The following ELAVL2 variants were observed in gnomAD, a reference collection of about 807,000 sequenced individuals.
ELAVL2 encodes the protein ELAV-like protein 2.
Under a neutral mutation model 34.6 loss-of-function variants are expected in ELAVL2, and 4 were observed. That is an observed-to-expected ratio of 0.12 (90% CI 0.06 to 0.26). The LOEUF (loss-of-function observed/expected upper bound fraction) is 0.26. Among genes scored for constraint, ELAVL2 ranks in the 10% least tolerant of loss-of-function variants. The probability of loss-of-function intolerance (pLI) is 1.00; values close to 1 mark genes in which losing one functional copy is unlikely to be tolerated. For missense variants in ELAVL2, 432 were observed against 442.8 expected (o/e 0.98, Z 0.22); for synonymous variants, 193 against 154.8 (o/e 1.25, Z -1.83).
At chr9:23,732,964 A>T (rs1044998425) in intron 2 of ELAVL2, among the ~76,000 whole-genome samples, 1 of 152,178 alleles carries the variant, frequency 6.6e-6, no homozygotes, top group African/African-American at 2.4e-5. Flanking sequence ...AAAGTTAAAT[A>T]AAAAAGATGC....
intron 3 of ELAVL2, among the ~76,000 whole-genome samples, chr9:23,713,823 T>C (rs1034325859): frequency 1.3e-5 from 2 of 152,136 alleles, no homozygotes; most frequent in Admixed American, 1.3e-4. Flanking sequence ...GAGGTTAGGA[T>C]GGAATGTTTG....
At chr9:23,698,946 G>A (rs2133016881) in intron 5 of ELAVL2, among the ~76,000 whole-genome samples, 1 of 152,262 alleles carries the variant, frequency 6.6e-6, no homozygotes. Flanking sequence ...AATGAGAAAT[G>A]GGGTGAATGG....
intron 5 of ELAVL2, 35 bp from the exon 6 acceptor site, chr9:23,693,521 A>C (rs1370129498): frequency 6.2e-7 from 1 of 1,613,768 alleles, no homozygotes; most frequent in Non-Finnish European, 8.5e-7. Flanking sequence ...TTCAGTTTTT[A>C]ATTTTTCCCC....
intron 3 of ELAVL2, among the ~76,000 whole-genome samples, chr9:23,725,150 T>A (rs1348943273): frequency 1.3e-5 from 2 of 152,074 alleles, no homozygotes; most frequent in African/African-American, 4.8e-5. Flanking sequence ...CAAACCTTCC[T>A]CTCCGAATAA....
chr9:23,745,909 G>C (rs1406199633), intron 2 of ELAVL2, among the ~76,000 whole-genome samples: 5 of 152,188 alleles, frequency 3.3e-5, no homozygotes, highest in African/African-American at 9.7e-5. Flanking sequence ...CCTGCTGTGT[G>C]AATGCTACTG....
At chr9:23,794,301 T>C (rs1315429079) in intron 1 of ELAVL2, among the ~76,000 whole-genome samples, 1 of 152,140 alleles carries the variant, frequency 6.6e-6, no homozygotes, top group African/African-American at 2.4e-5. Flanking sequence ...AGTGACACTT[T>C]CCTAGAACAC....
chr9:23,790,889 A>G (rs1223934917), intron 1 of ELAVL2, among the ~76,000 whole-genome samples: 2 of 152,188 alleles, frequency 1.3e-5, no homozygotes, highest in African/African-American at 2.4e-5. Flanking sequence ...CTCCTGATGA[A>G]CACTTAACCT....
intron 2 of ELAVL2, among the ~76,000 whole-genome samples, chr9:23,756,581 C>T (rs762395748): frequency 2.0e-5 from 3 of 152,080 alleles, no homozygotes; most frequent in Non-Finnish European, 2.9e-5. Context: ...CACACATGCT[C>T]GCACACGTGC....
intron 1 of ELAVL2, among the ~76,000 whole-genome samples, chr9:23,813,835 G>A (rs1425840062): frequency 6.6e-6 from 1 of 152,124 alleles, no homozygotes; most frequent in Non-Finnish European, 1.5e-5. Flanking sequence ...AAATACAAGA[G>A]ATCAAACGAA....
chr9:23,761,218 A>G (rs1564332870), intron 2 of ELAVL2, among the ~76,000 whole-genome samples: 1 of 152,076 alleles, frequency 6.6e-6, no homozygotes, highest in Non-Finnish European at 1.5e-5. Context: ...AAGTCCACAG[A>G]GTCTGTCTAC....
the ELAVL2 span, among the ~76,000 whole-genome samples, chr9:23,840,887 A>G: frequency 6.6e-6 from 1 of 152,140 alleles, no homozygotes; most frequent in Non-Finnish European, 1.5e-5. Flanking sequence ...ACTCTCCTCA[A>G]TGACAGAGAT....
At chr9:23,707,401 G>A (rs1228934144) in intron 3 of ELAVL2, among the ~76,000 whole-genome samples, 1 of 152,126 alleles carries the variant, frequency 6.6e-6, no homozygotes, top group Non-Finnish European at 1.5e-5. Context: ...TTCCACAGGA[G>A]GGAGCACCCA....
At chr9:23,725,663 G>A (rs1564102818) in intron 3 of ELAVL2, among the ~76,000 whole-genome samples, 2 of 152,098 alleles carry the variant, frequency 1.3e-5, no homozygotes, top group East Asian at 3.9e-4. Flanking sequence ...TGTCGCAAAA[G>A]GAGGTTGAAC....
intron 1 of ELAVL2, among the ~76,000 whole-genome samples, chr9:23,794,188 C>T (rs1189582816): frequency 2.6e-5 from 4 of 152,210 alleles, no homozygotes; most frequent in African/African-American, 9.6e-5. Context: ...TATCTTTCCC[C>T]TTCTAACTTC....
intron 2 of ELAVL2, among the ~76,000 whole-genome samples, chr9:23,738,664 G>A (rs1014522462): frequency 6.6e-6 from 1 of 152,100 alleles, no homozygotes. Flanking sequence ...AGGCCCCAAA[G>A]TTTCTAAATG....
chr9:23,738,824 C>T (rs945252164), intron 2 of ELAVL2, among the ~76,000 whole-genome samples: 1 of 152,132 alleles, frequency 6.6e-6, no homozygotes, highest in East Asian at 1.9e-4. Flanking sequence ...TCCTCAGCAC[C>T]AGGGCATTTT....
rs2038809168 is a variant in ELAVL2, at chr9:23,704,920, G to C, written c.485C>G (p.Thr162Ser). The C allele has an allele frequency of 1.2e-6, 2 of 1,613,944 alleles. No individual in the cohort carries two copies. Among genetic ancestry groups the C allele is most frequent in the African/African-American group, 2.7e-5 (2 of 74,882 alleles). ...GTCCGGAGTGGCTGTCTACTTACCA[G>C]TGACCTGGTCGACAAGAATACGAGA... ...ITSRILVDQV[T>S]GISRGVGFIR... Residue 162 changes from threonine (T) to serine (S), a missense_variant and splice_region_variant, in exon 4 of 7, where the codon ACT (threonine) becomes AGT (serine). Around this residue, in one of 3 missense-constraint regions of ELAVL2, gnomAD observed 295 missense variants for 306.1 expected, o/e 0.96. Transcript: ENST00000397312.
In ELAVL2 at chr9:23,759,799, A is replaced by G. The variant is rs541988917; in HGVS notation, c.229+2207T>C. The stretch of plus-strand genomic sequence containing the variant: ...ATATATATATATATATAATGTATAG[A>G]AACGTCTTACATCTTTAGAAACATC... On this transcript the variant is annotated intron_variant, in intron 2 of 6. Coordinates refer to ENST00000397312, the MANE Select transcript of ELAVL2 (RefSeq NM_004432.5). Among the ~76,000 whole-genome samples, 23 of 108,864 alleles carry G rather than the reference A, an allele frequency of 2.1e-4. No individual in the cohort carries two copies. The East Asian group carries it at 5.9e-3, about 28-fold the overall frequency. 71.4% of individuals were successfully genotyped at this position (108,864 alleles called of 152,430 possible).
intron 1 of ELAVL2, among the ~76,000 whole-genome samples, chr9:23,770,167 T>G (rs1256226410): frequency 6.6e-6 from 1 of 152,144 alleles, no homozygotes; most frequent in African/African-American, 2.4e-5. Flanking sequence ...TATACAAGTA[T>G]GAACACATAG....
Sources: allele counts gnomAD v4.1 joint callset (sites outside exome capture counted in the v4.1 genomes callset), GRCh38; gene constraint gnomAD v4.1.1; regional missense constraint gnomAD v4.1.1; transcripts MANE v1.5; gene names NCBI Gene and HGNC (gene_info 2026-07-23, HGNC 2026-07-21).